Variants in VCL observed in about 807,000 individuals in gnomAD.
VCL encodes the protein epididymis luminal protein 114.
VCL carries 47 observed loss-of-function variants against 125.7 expected under a neutral mutation model. The ratio of observed to expected loss-of-function variants is 0.37; its 90% CI spans 0.30 to 0.48. The LOEUF (loss-of-function observed/expected upper bound fraction) is 0.48, where lower values mean the gene tolerates loss of function less well. VCL is among the 20% of genes least tolerant of loss of function. The probability of loss-of-function intolerance (pLI) is 0.99; values close to 1 mark genes in which losing one functional copy is unlikely to be tolerated. For synonymous variants in VCL, 458 were observed against 514.6 expected, an observed-to-expected ratio of 0.89 and a Z score of 1.49; for missense variants, 1,069 against 1,455.5, an observed-to-expected ratio of 0.73 and a Z score of 4.32.
At chr10:74,032,128 A>G (rs1162849722) in intron 1 of VCL, among the ~76,000 whole-genome samples, 1 of 147,430 alleles carries the variant, frequency 6.8e-6, no homozygotes, top group African/African-American at 2.5e-5. Context: ...ACTTCCAGCT[A>G]CTCAGGGGGC....
intron 13 of VCL, among the ~76,000 whole-genome samples, chr10:74,098,231 T>C (rs1184151095): frequency 1.3e-5 from 2 of 152,238 alleles, no homozygotes; most frequent in Non-Finnish European, 2.9e-5. Flanking sequence ...ACCATATCTA[T>C]TAGTTACTGT....
At chr10:74,032,726 ATATATT>A (rs1156469834) in intron 1 of VCL, among the ~76,000 whole-genome samples, 2 of 150,484 alleles carry the variant, frequency 1.3e-5, no homozygotes, top group African/African-American at 4.9e-5. Context: ...ATATATATAT[ATATATT>A]GGCAAGGTAT....
intron 1 of VCL, among the ~76,000 whole-genome samples, chr10:74,008,040 G>C (rs993655140): frequency 6.6e-6 from 1 of 152,114 alleles, no homozygotes; most frequent in African/African-American, 2.4e-5. Flanking sequence ...CTGACCTGAG[G>C]TGATCTACCC....
At chr10:74,048,980 C>T (rs1841246129) in intron 2 of VCL, among the ~76,000 whole-genome samples, 1 of 152,058 alleles carries the variant, frequency 6.6e-6, no homozygotes, top group Admixed American at 6.6e-5. Context: ...TGGTGGCAGG[C>T]ACCAGTAGTC....
chr10:74,075,835 A>G (rs996089866), intron 6 of VCL: 1 of 152,668 alleles, frequency 6.6e-6, no homozygotes, highest in African/African-American at 2.4e-5. Context: ...TGAAATCACC[A>G]GCCCTCTCTC....
At chr10:74,055,222 C>T (rs140958732) in intron 2 of VCL, among the ~76,000 whole-genome samples, 18 of 152,212 alleles carry the variant, frequency 1.2e-4, no homozygotes, top group Admixed American at 3.3e-4. Context: ...ATGGCTTGAA[C>T]CTGGGAGGCA....
At position 74,091,871 on chromosome 10, in the gene VCL, G is replaced by A. The variant is rs376909264; in HGVS notation, c.1352+1673G>A. Among the ~76,000 whole-genome samples, 51 of 150,934 alleles carry A rather than the reference G, an allele frequency of 3.4e-4. 2 individuals are homozygous for A. Among genetic ancestry groups the A allele is most frequent in the African/African-American group, 1.0e-3 (43 of 41,198 alleles). ...GTATCTAAATTAGCTGTTCTGGCGC[G>A]GATGGGCTATTATTTTTATTTATGT... On this transcript the variant is annotated intron_variant, in intron 10 of 21. Coordinates refer to ENST00000211998, the MANE Select transcript of VCL (RefSeq NM_014000.3).
At chr10:74,093,794 A>G (rs1370645129) in intron 10 of VCL, among the ~76,000 whole-genome samples, 1 of 152,114 alleles carries the variant, frequency 6.6e-6, no homozygotes, top group Non-Finnish European at 1.5e-5. Context: ...ATGGAGCAAA[A>G]CCCCTCTCAA....
At chr10:74,039,637 T>A (rs1841056830) in intron 1 of VCL, among the ~76,000 whole-genome samples, 1 of 151,294 alleles carries the variant, frequency 6.6e-6, no homozygotes, top group South Asian at 2.1e-4. Flanking sequence ...AAAAAAAAAA[T>A]TAGCTAGGCG....
At chr10:74,101,718 G>A (rs1008520640) in intron 14 of VCL, among the ~76,000 whole-genome samples, 1 of 151,394 alleles carries the variant, frequency 6.6e-6, no homozygotes, top group Non-Finnish European at 1.5e-5. Context: ...ACCGCGCCCG[G>A]CTAATTTTTT....
At chr10:74,109,206 A>G (rs1840183359) in intron 18 of VCL, 50 bp downstream of exon 18, 9 of 1,607,866 alleles carry the variant, frequency 5.6e-6, no homozygotes, top group Non-Finnish European at 7.7e-6. Flanking sequence ...CTCGGAAAGG[A>G]TGAAGGACCA....
intron 14 of VCL, 129 bp downstream of exon 14, chr10:74,101,226 C>G (rs1840049285): frequency 7.5e-7 from 1 of 1,341,292 alleles, no homozygotes; most frequent in East Asian, 2.5e-5. Context: ...ACGGTAGCAC[C>G]TATAATTCCG....
chr10:74,098,351 A>C (rs1840003366), intron 13 of VCL, among the ~76,000 whole-genome samples: 1 of 151,912 alleles, frequency 6.6e-6, no homozygotes, highest in South Asian at 2.1e-4. Context: ...CTACTTTTTC[A>C]CTTAGCATTT....
At chr10:73,999,113 C>T (rs1343954114) in intron 1 of VCL, among the ~76,000 whole-genome samples, 2 of 152,218 alleles carry the variant, frequency 1.3e-5, no homozygotes, top group Admixed American at 6.5e-5. Flanking sequence ...CCTTTCATTC[C>T]CTCCTGTGGA....
Position 74,119,682 on chromosome 10 carries a change from G to A in VCL, c.*1513G>A, listed in dbSNP as rs901330812. On this transcript the variant is annotated 3_prime_UTR_variant, in exon 22 of 22. Coordinates refer to ENST00000211998, the MANE Select transcript of VCL (RefSeq NM_014000.3). Reference sequence around the variant, plus strand: ...CCTTCCTTCCCACCCATCGCTGTGTGTTAGTTCCCAACATCGAATGTGTAC... The same window carrying A: ...CCTTCCTTCCCACCCATCGCTGTGTATTAGTTCCCAACATCGAATGTGTAC... 3.3e-5 allele frequency: 5 copies of A among 152,444 alleles called. No homozygotes were observed. Among genetic ancestry groups the A allele is most frequent in the Admixed American group, 6.5e-5 (1 of 15,270 alleles). 9.4% of individuals were successfully genotyped at this position (152,444 alleles called of 1,614,324 possible).
chr10:74,027,115 GAA>G (rs1840785956), intron 1 of VCL, among the ~76,000 whole-genome samples: 1 of 152,186 alleles, frequency 6.6e-6, no homozygotes, highest in Non-Finnish European at 1.5e-5. Context: ...TGTGGAATGA[GAA>G]AAGCACGTTC....
At chr10:74,056,071 T>C (rs923065840) in intron 2 of VCL, among the ~76,000 whole-genome samples, 2 of 152,106 alleles carry the variant, frequency 1.3e-5, no homozygotes, top group Admixed American at 6.6e-5. Flanking sequence ...CAGTTATCAA[T>C]TGACTTGGAC....
At chr10:74,117,631 GAAAGAGA>G (rs541173498) in intron 21 of VCL, among the ~76,000 whole-genome samples, 80 of 152,286 alleles carry the variant, frequency 5.3e-4, no homozygotes, top group African/African-American at 1.9e-3. Flanking sequence ...CAGCCTGGAT[GAAAGAGA>G]AAGACCCCAT....
intron 1 of VCL, among the ~76,000 whole-genome samples, chr10:74,027,434 G>T (rs955558135): frequency 1.3e-5 from 2 of 151,640 alleles, no homozygotes; most frequent in Admixed American, 1.3e-4. Context: ...GCCGAGGTAG[G>T]TGAATCATTT....
Sources: allele counts gnomAD v4.1 joint callset (sites outside exome capture counted in the v4.1 genomes callset), GRCh38; gene constraint gnomAD v4.1.1; transcripts MANE v1.5; gene names NCBI Gene and HGNC (gene_info 2026-07-23, HGNC 2026-07-21).